The following MTG1 variants were observed in gnomAD, a reference collection of about 807,000 sequenced individuals.
The protein encoded by MTG1 is mitochondrial ribosome associated GTPase 1.
In MTG1, 30 loss-of-function variants were observed where a neutral mutation model predicts 39.5. That is an observed-to-expected ratio of 0.76 (90% CI 0.57 to 1.03). The LOEUF is 1.03. MTG1 is among the 50% of genes least tolerant of loss of function. The probability of loss-of-function intolerance (pLI) is 0.00; values close to 1 mark genes in which losing one functional copy is unlikely to be tolerated. For missense variants in MTG1, 513 were observed against 447.4 expected, an observed-to-expected ratio of 1.15 and a Z score of -1.32; for synonymous variants, 217 against 179.0, an observed-to-expected ratio of 1.21 and a Z score of -1.69.
intron 9 of MTG1, among the ~76,000 whole-genome samples, chr10:133,411,443 T>G (rs1197949264): frequency 1.3e-5 from 2 of 152,226 alleles, no homozygotes; most frequent in African/African-American, 4.8e-5. Flanking sequence ...TTAAATCTGT[T>G]TGGTGATCTC....
chr10:133,397,640 G>A (rs1207536411), intron 3 of MTG1, among the ~76,000 whole-genome samples: 1 of 151,902 alleles, frequency 6.6e-6, no homozygotes, highest in African/African-American at 2.4e-5. Context: ...CACCATGCCC[G>A]GCTAATTTTT....
intron 1 of MTG1, chr10:133,394,929 G>C (rs552006849): frequency 7.8e-4 from 128 of 163,812 alleles, no homozygotes; most frequent in South Asian, 4.0e-4. Context: ...GGCCCGTGTG[G>C]GTGACTGAGG....
At chr10:133,395,689 C>T in intron 1 of MTG1, 24 bp from the exon 2 acceptor site, 1 of 1,613,188 alleles carries the variant, frequency 6.2e-7, no homozygotes, top group Non-Finnish European at 8.5e-7. Context: ...AGCCCCTTCG[C>T]TGAGGCGTCC....
Position 133,402,264 on chromosome 10 carries a change from T to C in MTG1, c.670+19T>C, listed in dbSNP as rs1849892319. 3 of 1,423,632 alleles carry C rather than the reference T, an allele frequency of 2.1e-6. No homozygotes were observed. Among genetic ancestry groups the C allele is most frequent in the Non-Finnish European group, 3.0e-6 (3 of 1,016,104 alleles). 88.2% of individuals were successfully genotyped at this position (1,423,632 alleles called of 1,614,324 possible). ...CTGTGTGGTGAGCCGGGGCTGGGGCTGGGGCTGGGGCTGGGACCGGGGCCC... is the reference window on the plus strand; with the variant it reads ...CTGTGTGGTGAGCCGGGGCTGGGGCCGGGGCTGGGGCTGGGACCGGGGCCC... On this transcript the variant is annotated intron_variant, in intron 8 of 10. Coordinates refer to ENST00000317502, the MANE Select transcript of MTG1 (RefSeq NM_138384.4). This position sits in a 1 kb window ranked among gnomAD's most constrained non-coding sequence, Gnocchi z 4.7.
At position 133,394,312 on chromosome 10, in the gene MTG1, T is replaced by A; in HGVS notation, c.92T>A (p.Phe31Tyr). 1 of 1,515,564 alleles carries A rather than the reference T, an allele frequency of 6.6e-7. No homozygotes were observed. Among genetic ancestry groups the A allele is most frequent in the African/African-American group, 1.4e-5 (1 of 69,574 alleles). The allele number at this position is 1,515,564 out of a possible 1,614,324, so 93.9% of individuals were successfully genotyped here. A position where few individuals can be genotyped will look rare whatever the true frequency, so the allele number is the denominator to read the frequency against. ...TGCGGTCGCGACGTGGCGCGCTGGT[T>A]CCCGGGCCACATGGCCAAGGGTGAG... The part of the protein sequence containing the change: ...PLCGRDVARW[F>Y]PGHMAKGLKK... Residue 31 changes from phenylalanine (F) to tyrosine (Y), a missense_variant, in exon 1 of 11, where the codon TTC becomes TAC. By Grantham distance (22) the Phe-to-Tyr change is conservative. Transcript: ENST00000317502.
intron 9 of MTG1, among the ~76,000 whole-genome samples, chr10:133,411,185 G>A (rs1405697165): frequency 6.6e-6 from 1 of 151,792 alleles, no homozygotes; most frequent in Non-Finnish European, 1.5e-5. Flanking sequence ...TTTCATGTTT[G>A]AAGGTGTGTC....
At chr10:133,404,734 T>C in intron 9 of MTG1, among the ~76,000 whole-genome samples, 1 of 152,200 alleles carries the variant, frequency 6.6e-6, no homozygotes, top group East Asian at 1.9e-4. Flanking sequence ...AAGCTGCAGA[T>C]TGAAGTTCTT....
chr10:133,417,307 G>A (rs1487048785), intron 9 of MTG1, among the ~76,000 whole-genome samples: 8 of 151,546 alleles, frequency 5.3e-5, no homozygotes, highest in Admixed American at 5.3e-4. Flanking sequence ...ATGCAGAAAA[G>A]GCCTTTGACA....
chr10:133,400,072 G>T (rs1023204208), intron 6 of MTG1, among the ~76,000 whole-genome samples: 4 of 152,106 alleles, frequency 2.6e-5, no homozygotes, highest in Non-Finnish European at 5.9e-5. Context: ...GGCACCTGTA[G>T]TCCCAGCCAC....
At position 133,395,784 on chromosome 10, in the gene MTG1, T is replaced by C. The variant is rs1054839983; in HGVS notation, c.177+7T>C. 6.2e-7 allele frequency: 1 copy of C among 1,613,828 alleles called. No individual in the cohort carries two copies. The highest frequency in any genetic ancestry group is 1.7e-4 in the Middle Eastern group (1 of 6,052). ...CGAGGTCCACGATGCCCGGATATCC[T>C]TTCACAGAGCAGGGGAGGCCCCTCT... is the stretch of plus-strand genomic sequence containing the variant. On this transcript the variant is annotated splice_region_variant and intron_variant, in intron 2 of 10. Transcript: ENST00000317502.
intron 9 of MTG1, among the ~76,000 whole-genome samples, chr10:133,404,286 A>G (rs1460759323): frequency 1.3e-5 from 2 of 151,736 alleles, no homozygotes; most frequent in Non-Finnish European, 2.9e-5. Flanking sequence ...GCCACCACAC[A>G]TAGCTGATTT....
chr10:133,407,883 C>T (rs1040652042), intron 9 of MTG1, among the ~76,000 whole-genome samples: 7 of 152,120 alleles, frequency 4.6e-5, no homozygotes, highest in Admixed American at 6.5e-5. Flanking sequence ...TTTCTTTTTC[C>T]GATTACCTGC....
chr10:133,413,142 ACT>A (rs1233752695), intron 9 of MTG1, among the ~76,000 whole-genome samples: 1 of 152,010 alleles, frequency 6.6e-6, no homozygotes, highest in African/African-American at 2.4e-5. Context: ...ACAGAGTCTC[ACT>A]CTGTTTCTCA....
intron 9 of MTG1, among the ~76,000 whole-genome samples, chr10:133,418,773 GGA>G (rs200974839): frequency 0.011 from 1,661 of 152,298 alleles, 14 homozygotes; most frequent in Middle Eastern, 0.017. Flanking sequence ...AGGAAGGTTG[GGA>G]GAGTGTTGGG....
chr10:133,407,789 C>T (rs545117867), intron 9 of MTG1, among the ~76,000 whole-genome samples: 191 of 152,186 alleles, frequency 1.3e-3, no homozygotes, highest in African/African-American at 4.1e-3. Context: ...AGGCTGGTCT[C>T]GAACTCTTGA....
intron 6 of MTG1, 71 bp from the exon 7 acceptor site, chr10:133,401,458 C>A: frequency 2.2e-6 from 3 of 1,338,782 alleles, no homozygotes; most frequent in Non-Finnish European, 3.1e-6. Context: ...TTGTTACATA[C>A]GTCTCCCTAC....
intron 9 of MTG1, among the ~76,000 whole-genome samples, chr10:133,414,728 G>C (rs1326142115): frequency 6.6e-6 from 1 of 152,232 alleles, no homozygotes; most frequent in Non-Finnish European, 1.5e-5. Flanking sequence ...ACAATGGGCG[G>C]CCAGGCAGAG....
chr10:133,415,236 G>C (rs1850107407), intron 9 of MTG1, among the ~76,000 whole-genome samples: 1 of 152,170 alleles, frequency 6.6e-6, no homozygotes, highest in South Asian at 2.1e-4. Context: ...GGGCGCCCCT[G>C]TTTTTTCATA....
chr10:133,410,486 C>T (rs987808528), intron 9 of MTG1, among the ~76,000 whole-genome samples: 12 of 152,114 alleles, frequency 7.9e-5, no homozygotes, highest in African/African-American at 1.4e-4. Context: ...TACTGTCTTC[C>T]TTCGCATGTG....
Sources: gnomAD v4.1 joint callset for allele counts (sites outside exome capture counted in the v4.1 genomes callset) on GRCh38, gnomAD v4.1.1 for gene constraint, Gnocchi (gnomAD v3.1) non-coding constraint, MANE v1.5 for transcripts, NCBI Gene and HGNC (gene_info 2026-07-23, HGNC 2026-07-21) for gene names.